Variants in CDH13 observed in about 807,000 individuals in gnomAD.
CDH13 encodes cadherin 13.
In CDH13, 24 loss-of-function variants were observed where a neutral mutation model predicts 63.8. The ratio of observed to expected loss-of-function variants is 0.38; its 90% CI spans 0.27 to 0.53. CDH13 has a LOEUF of 0.53. CDH13 is among the 20% of genes least tolerant of loss of function. The probability of loss-of-function intolerance (pLI) is 0.85; values close to 1 mark genes in which losing one functional copy is unlikely to be tolerated. For missense variants in CDH13, 1,049 were observed against 903.1 expected (o/e 1.16, Z -2.07); for synonymous variants, 503 against 355.3 (o/e 1.42, Z -4.67).
At chr16:83,358,616 G>C (rs967979736) in intron 6 of CDH13, among the ~76,000 whole-genome samples, 7 of 152,138 alleles carry the variant, frequency 4.6e-5, no homozygotes, top group Non-Finnish European at 8.8e-5. Context: ...AAAAATTAGA[G>C]CCCAGACTAT....
chr16:82,697,508 C>A (rs2030463352), intron 1 of CDH13, among the ~76,000 whole-genome samples: 2 of 137,094 alleles, frequency 1.5e-5, no homozygotes, highest in South Asian at 5.0e-4. Flanking sequence ...CGACTCACTG[C>A]AACCTCTGCC....
At chr16:83,287,887 T>C (rs1306224270) in intron 5 of CDH13, among the ~76,000 whole-genome samples, 1 of 152,114 alleles carries the variant, frequency 6.6e-6, no homozygotes, top group Non-Finnish European at 1.5e-5. Flanking sequence ...TCAAAATTAA[T>C]GCATAGAAGT....
chr16:82,933,774 A>G (rs139601150), intron 2 of CDH13, among the ~76,000 whole-genome samples: 1,592 of 152,304 alleles, frequency 0.01, 19 homozygotes, highest in African/African-American at 0.036. Flanking sequence ...GGGCTACAGG[A>G]TCCGGGCAAG....
rs1911949069 is a variant in CDH13 at position 82,661,553 on chromosome 16, C to T, written c.45+34416C>T. On this transcript the variant is annotated intron_variant, in intron 1 of 13. Transcript: ENST00000567109. ...GTTCCCTTGGTGAAAGCCTGGCTAT[C>T]AGCATCAACACCTTCTAGAAGATCC... 2.0e-5 allele frequency among the ~76,000 whole-genome samples: 3 copies of T among 152,206 alleles called. No homozygotes were observed. The South Asian group carries it at 6.2e-4, about 32-fold the overall frequency.
intron 11 of CDH13, among the ~76,000 whole-genome samples, chr16:83,758,708 A>G (rs1372011607): frequency 6.6e-6 from 1 of 152,202 alleles, no homozygotes; most frequent in Non-Finnish European, 1.5e-5. Context: ...ATCAGTATAC[A>G]CAATTAATTG....
chr16:82,648,547 A>T (rs1185131630), intron 1 of CDH13, among the ~76,000 whole-genome samples: 1 of 152,206 alleles, frequency 6.6e-6, no homozygotes, highest in Non-Finnish European at 1.5e-5. Flanking sequence ...ACTAAACAGG[A>T]GATTGTGTGT....
At chr16:83,168,754 T>A (rs1452296123) in intron 4 of CDH13, among the ~76,000 whole-genome samples, 2 of 152,194 alleles carry the variant, frequency 1.3e-5, no homozygotes, top group Non-Finnish European at 2.9e-5. Flanking sequence ...TATATTCATA[T>A]GTAAGATTAA....
intron 6 of CDH13, among the ~76,000 whole-genome samples, chr16:83,473,943 T>A (rs1484520122): frequency 6.6e-6 from 1 of 152,154 alleles, no homozygotes; most frequent in Non-Finnish European, 1.5e-5. Flanking sequence ...CCCTGAGTCA[T>A]CTGCTATGGT....
intron 2 of CDH13, among the ~76,000 whole-genome samples, chr16:82,983,235 T>C (rs1017449548): frequency 1.4e-4 from 22 of 152,128 alleles, no homozygotes; most frequent in African/African-American, 5.3e-4. Flanking sequence ...CCAGAACACT[T>C]TTTACTTAGC....
chr16:82,893,558 G>A (rs2041152543), intron 2 of CDH13, among the ~76,000 whole-genome samples: 1 of 152,204 alleles, frequency 6.6e-6, no homozygotes, highest in Non-Finnish European at 1.5e-5. Context: ...GTGATGAAAT[G>A]GCTTTCTGTT....
rs139622330 is a variant in CDH13 at position 82,680,888 on chromosome 16, A to G, written c.45+53751A>G. Among the ~76,000 whole-genome samples, 592 of 152,310 alleles carry G rather than the reference A, an allele frequency of 3.9e-3. 7 individuals carry two copies. Among genetic ancestry groups the G allele is most frequent in the African/African-American group, 0.013 (547 of 41,572 alleles). ...TGGCCATAAAGCGAGGGAGCTGGAG[A>G]GAAAAAGACACCTTAAACTCACTTG... On this transcript the variant is annotated intron_variant, in intron 1 of 13. Coordinates refer to ENST00000567109, the MANE Select transcript of CDH13 (RefSeq NM_001257.5).
At chr16:83,679,378 A>T (rs1453517819) in intron 10 of CDH13, among the ~76,000 whole-genome samples, 1 of 152,224 alleles carries the variant, frequency 6.6e-6, no homozygotes, top group African/African-American at 2.4e-5. Flanking sequence ...ACAAATAATC[A>T]AGTATTGGAC....
intron 1 of CDH13, among the ~76,000 whole-genome samples, chr16:82,692,393 C>G (rs1192596183): frequency 6.6e-6 from 1 of 152,186 alleles, no homozygotes; most frequent in African/African-American, 2.4e-5. Context: ...GCTTCACAAT[C>G]ATGGTGGAAG....
intron 1 of CDH13, among the ~76,000 whole-genome samples, chr16:82,797,912 C>T (rs1045639153): frequency 4.6e-5 from 7 of 151,980 alleles, no homozygotes; most frequent in Non-Finnish European, 7.4e-5. Context: ...AAGACCTTTG[C>T]AATATGTCCT....
intron 5 of CDH13, among the ~76,000 whole-genome samples, chr16:83,249,390 C>A (rs917108224): frequency 2.0e-5 from 3 of 152,188 alleles, no homozygotes; most frequent in Non-Finnish European, 2.9e-5. Context: ...TGTCTTACTT[C>A]TTCACAGAGC....
intron 3 of CDH13, among the ~76,000 whole-genome samples, chr16:83,065,466 AG>A (rs2031928512): frequency 6.6e-6 from 1 of 152,156 alleles, no homozygotes; most frequent in Admixed American, 6.5e-5. Flanking sequence ...ACACTTTGGA[AG>A]GCCAAGGTGG....
intron 6 of CDH13, among the ~76,000 whole-genome samples, chr16:83,442,855 T>C (rs565339455): frequency 2.0e-5 from 3 of 152,388 alleles, no homozygotes; most frequent in South Asian, 2.1e-4. Flanking sequence ...GAAGAGATAC[T>C]ATAAGGGACA....
chr16:83,024,650 C>T (rs913874590), intron 2 of CDH13, among the ~76,000 whole-genome samples: 3 of 152,148 alleles, frequency 2.0e-5, no homozygotes, highest in East Asian at 3.9e-4. Context: ...GTGAAGAAGA[C>T]GACATGAAGA....
chr16:83,553,864 A>G (rs1322633258), intron 7 of CDH13, among the ~76,000 whole-genome samples: 1 of 152,210 alleles, frequency 6.6e-6, no homozygotes, highest in Non-Finnish European at 1.5e-5. Context: ...GCCCAAAGTC[A>G]TGGTTTTTAA....
Sources: allele counts gnomAD v4.1 joint callset (sites outside exome capture counted in the v4.1 genomes callset), GRCh38; gene constraint gnomAD v4.1.1; transcripts MANE v1.5; gene names NCBI Gene and HGNC (gene_info 2026-07-23, HGNC 2026-07-21).